The following PLCL2 variants were observed in gnomAD, a reference collection of about 807,000 sequenced individuals.
The protein encoded by PLCL2 is phospholipase C like 2.
In PLCL2, 4 loss-of-function variants were observed where a neutral mutation model predicts 79.6. The ratio of observed to expected loss-of-function variants is 0.05; its 90% CI spans 0.02 to 0.11. PLCL2 has a LOEUF of 0.11. Among genes scored for constraint, PLCL2 ranks in the 10% least tolerant of loss-of-function variants. The pLI is 1.00. For missense variants in PLCL2, 895 were observed against 1,291.0 expected, an observed-to-expected ratio of 0.69 and a Z score of 4.70; for synonymous variants, 484 against 457.7, an observed-to-expected ratio of 1.06 and a Z score of -0.73.
intron 4 of PLCL2, among the ~76,000 whole-genome samples, chr3:17,063,362 T>C (rs932789387): frequency 1.4e-5 from 2 of 140,438 alleles, no homozygotes; most frequent in Admixed American, 7.3e-5. Flanking sequence ...TTTTCTGATA[T>C]ACCCCTCTAA....
chr3:16,963,786 A>T (rs1467427935), intron 1 of PLCL2, among the ~76,000 whole-genome samples: 7 of 146,394 alleles, frequency 4.8e-5, no homozygotes, highest in African/African-American at 1.2e-4. Flanking sequence ...AGGTTAAGCA[A>T]TTTTTTTTTT....
At chr3:16,892,649 T>C (rs1696377514) in intron 1 of PLCL2, among the ~76,000 whole-genome samples, 2 of 152,230 alleles carry the variant, frequency 1.3e-5, no homozygotes. Context: ...GTGCGATCTC[T>C]AATTCCTCAG....
At chr3:17,050,133 A>G (rs2064824603) in intron 4 of PLCL2, among the ~76,000 whole-genome samples, 1 of 152,208 alleles carries the variant, frequency 6.6e-6, no homozygotes, top group Admixed American at 6.5e-5. Context: ...ATCCATATGC[A>G]GAAGAATGAA....
chr3:17,013,113 G>A (rs556097956), intron 2 of PLCL2, among the ~76,000 whole-genome samples: 4 of 152,286 alleles, frequency 2.6e-5, no homozygotes, highest in African/African-American at 9.6e-5. Flanking sequence ...ACAGACATAT[G>A]AAGGGCTTTT....
chr3:16,989,723 A>C (rs901573560), intron 1 of PLCL2, among the ~76,000 whole-genome samples: 8 of 152,182 alleles, frequency 5.3e-5, no homozygotes, highest in Non-Finnish European at 1.0e-4. Context: ...CATCTACCCA[A>C]AGATAATTAA....
intron 1 of PLCL2, among the ~76,000 whole-genome samples, chr3:16,968,972 A>G (rs1199855696): frequency 6.6e-6 from 1 of 152,104 alleles, no homozygotes; most frequent in Non-Finnish European, 1.5e-5. Context: ...GTTGGATTTT[A>G]TTGAAAGCCT....
At chr3:16,906,631 A>C (rs1215331641) in intron 1 of PLCL2, among the ~76,000 whole-genome samples, 3 of 152,200 alleles carry the variant, frequency 2.0e-5, no homozygotes, top group Non-Finnish European at 4.4e-5. Flanking sequence ...TATTTTAAGC[A>C]TTCTTTCCAG....
intron 3 of PLCL2, among the ~76,000 whole-genome samples, chr3:17,020,919 A>G (rs1559521724): frequency 6.6e-6 from 1 of 152,162 alleles, no homozygotes; most frequent in Non-Finnish European, 1.5e-5. Flanking sequence ...TTCTTAATTC[A>G]GTGAAGAGAT....
At chr3:16,958,222 A>G (rs1362730435) in intron 1 of PLCL2, among the ~76,000 whole-genome samples, 1 of 152,082 alleles carries the variant, frequency 6.6e-6, no homozygotes, top group Admixed American at 6.6e-5. Context: ...CCTTTCTTTA[A>G]TGTTTAGCTA....
chr3:16,990,565 T>A (rs2064095242), intron 1 of PLCL2, among the ~76,000 whole-genome samples: 1 of 152,216 alleles, frequency 6.6e-6, no homozygotes, highest in African/African-American at 2.4e-5. Context: ...TTCAGTGAAC[T>A]CCTTTTTGCC....
chr3:16,926,139 G>A (rs1300828460), intron 1 of PLCL2, among the ~76,000 whole-genome samples: 2 of 152,146 alleles, frequency 1.3e-5, no homozygotes, highest in African/African-American at 2.4e-5. Flanking sequence ...CAGAGCTTCT[G>A]AGTATTACTG....
chr3:17,078,455 C>CT (rs34710176), intron 5 of PLCL2, among the ~76,000 whole-genome samples: 6,314 of 146,398 alleles, frequency 0.043, 152 homozygotes, highest in South Asian at 0.065. Context: ...GATGGCTGGG[C>CT]TTTTTTTTTT....
intron 1 of PLCL2, among the ~76,000 whole-genome samples, chr3:16,947,341 T>TA (rs1455992283): frequency 1.3e-5 from 2 of 152,180 alleles, no homozygotes; most frequent in Non-Finnish European, 2.9e-5. Context: ...GTTAAACTCT[T>TA]ACAGTTGTGA....
At position 17,074,591 on chromosome 3, in the gene PLCL2, G is replaced by A. The variant is rs367628978; in HGVS notation, c.3204+6526G>A. On this transcript the variant is annotated intron_variant, in intron 5 of 5. Transcript: ENST00000615277. ...CTCCTTTTGAGCCATGAAAGCCCTA[G>A]ATGGCATCTTCTTTCAATAGAAGGC... is the stretch of plus-strand genomic sequence containing the variant. Among the ~76,000 whole-genome samples, 4 of 152,202 alleles carry A rather than the reference G, an allele frequency of 2.6e-5. No homozygotes were observed. In the East Asian group the frequency reaches 5.8e-4, roughly 22 times the overall value.
intron 4 of PLCL2, among the ~76,000 whole-genome samples, chr3:17,044,984 G>A (rs752031753): frequency 8.5e-5 from 13 of 152,156 alleles, no homozygotes; most frequent in Middle Eastern, 3.2e-3. Context: ...CTTTAGAAGC[G>A]TGTAAAGATT....
chr3:16,967,492 T>G (rs943114138), intron 1 of PLCL2, among the ~76,000 whole-genome samples: 1 of 152,182 alleles, frequency 6.6e-6, no homozygotes, highest in Non-Finnish European at 1.5e-5. Flanking sequence ...CATTGTGGTT[T>G]TGATTTGCAT....
chr3:16,941,365 G>A (rs1697679492), intron 1 of PLCL2, among the ~76,000 whole-genome samples: 1 of 152,140 alleles, frequency 6.6e-6, no homozygotes. Flanking sequence ...CATAGCCAGA[G>A]TGATTTCTGG....
rs148153072 is a variant in PLCL2, at chr3:16,885,267, C to G, written c.228C>G (p.Pro76=). The G allele has an allele frequency of 4.5e-6, 3 of 666,084 alleles. No individual in the cohort carries two copies. In the South Asian group the frequency reaches 4.7e-5, roughly 10 times the overall value. 41.3% of individuals were successfully genotyped at this position (666,084 alleles called of 1,614,324 possible). Residue 76 remains proline (P), a synonymous_variant, in exon 1 of 6, where the codon CCC becomes CCG. Coordinates refer to ENST00000615277, the MANE Select transcript of PLCL2 (RefSeq NM_001144382.2). ...CCCGGGCTAGCCCTACCAGGGGACC[C>G]CGCGGCGTTGCGCTCGCCCCGACCC... The part of the protein sequence containing the change: ...DEARASPTRG[P]RGVALAPTPS...
intron 1 of PLCL2, among the ~76,000 whole-genome samples, chr3:16,962,278 C>G (rs2063762318): frequency 6.6e-6 from 1 of 152,120 alleles, no homozygotes; most frequent in South Asian, 2.1e-4. Context: ...GCTGAGCTAG[C>G]AGAGATATAC....
Sources: gnomAD v4.1 joint callset for allele counts (sites outside exome capture counted in the v4.1 genomes callset) on GRCh38, gnomAD v4.1.1 for gene constraint, MANE v1.5 for transcripts, NCBI Gene and HGNC (gene_info 2026-07-23, HGNC 2026-07-21) for gene names.